Variants in SOX6 observed in about 807,000 individuals in gnomAD.
SOX6 encodes transcription factor SOX-6.
In SOX6, 11 loss-of-function variants were observed where a neutral mutation model predicts 97.8. The ratio of observed to expected loss-of-function variants is 0.11; its 90% CI spans 0.07 to 0.19. The LOEUF (loss-of-function observed/expected upper bound fraction) is 0.19. SOX6 is among the 10% of genes least tolerant of loss of function. SOX6 has a pLI of 1.00. For synonymous variants in SOX6, 360 were observed against 371.4 expected (o/e 0.97, Z 0.35); for missense variants, 810 against 1,039.5 (o/e 0.78, Z 3.04).
At chr11:16,467,836 TAAC>T in intron 1 of SOX6, among the ~76,000 whole-genome samples, 2 of 152,194 alleles carry the variant, frequency 1.3e-5, no homozygotes, top group Middle Eastern at 3.4e-3. Flanking sequence ...AAAGGTTAAA[TAAC>T]AACAAAAAAG....
chr11:16,447,199 A>G (rs1212962568), intron 1 of SOX6, among the ~76,000 whole-genome samples: 2 of 152,168 alleles, frequency 1.3e-5, no homozygotes, highest in African/African-American at 4.8e-5. Context: ...ATTAAAAATT[A>G]CTTTAAAAAA....
chr11:16,267,233 A>G (rs1278010256), intron 3 of SOX6, among the ~76,000 whole-genome samples: 1 of 151,608 alleles, frequency 6.6e-6, no homozygotes, highest in Non-Finnish European at 1.5e-5. Context: ...ACAACAAATG[A>G]AACAATTAAC....
intron 4 of SOX6, among the ~76,000 whole-genome samples, chr11:16,495,494 C>T (rs1336137044): frequency 6.6e-6 from 1 of 152,194 alleles, no homozygotes; most frequent in East Asian, 1.9e-4. Context: ...CTCCCAAGTA[C>T]TCCTCCTGGG....
At chr11:16,687,716 G>C (rs922778393) in intron 3 of SOX6, among the ~76,000 whole-genome samples, 1 of 152,046 alleles carries the variant, frequency 6.6e-6, no homozygotes, top group Admixed American at 6.6e-5. Context: ...TAATTTTTTA[G>C]AGTCCAGTTC....
At chr11:16,317,608 G>A (rs1347623728) in intron 3 of SOX6, 4 of 154,216 alleles carry the variant, frequency 2.6e-5, no homozygotes, top group Non-Finnish European at 5.8e-5. Context: ...TTAAGTTTTT[G>A]AGCCCTCAAA....
At chr11:16,659,476 C>T (rs994473246) in intron 3 of SOX6, among the ~76,000 whole-genome samples, 4 of 150,752 alleles carry the variant, frequency 2.7e-5, no homozygotes, top group South Asian at 2.1e-4. Context: ...CTCTCCAACT[C>T]TCTTATTCTC....
At chr11:16,567,629 C>T (rs1272950783) in intron 4 of SOX6, among the ~76,000 whole-genome samples, 3 of 128,780 alleles carry the variant, frequency 2.3e-5, no homozygotes, top group Non-Finnish European at 4.7e-5. Context: ...AGTGCAGTGG[C>T]GATCTCTGCT....
chr11:16,521,008 C>T (rs1349834409), intron 4 of SOX6, among the ~76,000 whole-genome samples: 5 of 152,222 alleles, frequency 3.3e-5, no homozygotes, highest in East Asian at 1.9e-4. Context: ...TACCACAGCT[C>T]AAGGAGGCCT....
At chr11:16,073,286 G>C (rs776296749) in intron 9 of SOX6, among the ~76,000 whole-genome samples, 2 of 151,604 alleles carry the variant, frequency 1.3e-5, no homozygotes, top group African/African-American at 2.4e-5. Flanking sequence ...AAAAAGCAGG[G>C]ATTGCTATGC....
chr11:16,236,473 G>A (rs1346039155), intron 3 of SOX6, among the ~76,000 whole-genome samples: 2 of 151,888 alleles, frequency 1.3e-5, no homozygotes, highest in South Asian at 2.1e-4. Context: ...GATAAGAATA[G>A]TCAACAAAAA....
At chr11:16,046,482 G>A (rs1855835508) in intron 12 of SOX6, 32 bp downstream of exon 12, 12 of 1,608,368 alleles carry the variant, frequency 7.5e-6, no homozygotes, top group Non-Finnish European at 1.0e-5. Context: ...AATAAGTCTA[G>A]CAGATCCAGT....
chr11:16,397,165 G>A (rs1393926), intron 1 of SOX6, among the ~76,000 whole-genome samples: 26,993 of 151,134 alleles, frequency 0.18, 2,713 homozygotes, highest in Admixed American at 0.31. Flanking sequence ...GACTTAGTTC[G>A]TTTTAGTAAT....
intron 4 of SOX6, among the ~76,000 whole-genome samples, chr11:16,544,365 C>G (rs1847589765): frequency 6.6e-6 from 1 of 152,092 alleles, no homozygotes; most frequent in Non-Finnish European, 1.5e-5. Flanking sequence ...GCTCAACAAT[C>G]CTCCCACCTC....
At chr11:16,650,070 A>C (rs7127280) in intron 3 of SOX6, among the ~76,000 whole-genome samples, 40,685 of 152,006 alleles carry the variant, frequency 0.27, 6,183 homozygotes, top group East Asian at 0.53. Context: ...AAAATAGTCC[A>C]ACAGGAAAAT....
intron 9 of SOX6, 41 bp downstream of exon 9, chr11:16,095,955 C>T: frequency 6.3e-7 from 1 of 1,597,136 alleles, no homozygotes. Flanking sequence ...CTGAACAATC[C>T]AGTCCCCAAC....
intron 9 of SOX6, among the ~76,000 whole-genome samples, chr11:16,081,236 A>G (rs2133955408): frequency 6.6e-6 from 1 of 152,152 alleles, no homozygotes; most frequent in South Asian, 2.1e-4. Flanking sequence ...GTACCCCTAG[A>G]CTGTATTTCA....
chr11:16,487,120 C>G (rs962553805), intron 4 of SOX6, among the ~76,000 whole-genome samples: 1 of 151,954 alleles, frequency 6.6e-6, no homozygotes, highest in Admixed American at 6.6e-5. Context: ...AATTTTGTAA[C>G]TCTGTAAAAT....
intron 4 of SOX6, among the ~76,000 whole-genome samples, chr11:16,193,269 G>C (rs1851677820): frequency 6.6e-6 from 1 of 152,146 alleles, no homozygotes; most frequent in South Asian, 2.1e-4. Context: ...CAATTTGGGA[G>C]GCTAAGGTGG....
chr11:16,694,316 C>T (rs1346699471), intron 3 of SOX6, among the ~76,000 whole-genome samples: 2 of 152,094 alleles, frequency 1.3e-5, no homozygotes, highest in East Asian at 3.9e-4. Flanking sequence ...TGGTTTGAGG[C>T]CAGGAATTCA....
Sources: gnomAD v4.1 joint callset for allele counts (sites outside exome capture counted in the v4.1 genomes callset) on GRCh38, gnomAD v4.1.1 for gene constraint, MANE v1.5 for transcripts, NCBI Gene and HGNC (gene_info 2026-07-23, HGNC 2026-07-21) for gene names.